Variants in KAZN observed in about 807,000 individuals in gnomAD.
KAZN encodes the protein kazrin.
KAZN carries 40 observed loss-of-function variants against 87.4 expected under a neutral mutation model. The ratio of observed to expected loss-of-function variants is 0.46; its 90% CI spans 0.36 to 0.60. KAZN has a LOEUF of 0.60. KAZN is among the 20% of genes least tolerant of loss of function. The pLI is 0.00. For missense variants in KAZN, 898 were observed against 1,073.9 expected (o/e 0.84, Z 2.29); for synonymous variants, 466 against 458.3 (o/e 1.02, Z -0.22).
chr1:15,001,199 C>T (rs1275683208), intron 2 of KAZN, among the ~76,000 whole-genome samples: 1 of 151,900 alleles, frequency 6.6e-6, no homozygotes, highest in Admixed American at 6.6e-5. Context: ...TGGTGGTTCA[C>T]GCCTGTAATC....
At chr1:15,111,611 CGTG>C (rs1641623943) in intron 13 of KAZN, among the ~76,000 whole-genome samples, 1 of 152,172 alleles carries the variant, frequency 6.6e-6, no homozygotes, top group South Asian at 2.1e-4. Context: ...AGTCTACCTC[CGTG>C]GTGACTTCTG....
At chr1:14,089,804 A>G (rs530276996) in intron 1 of KAZN, among the ~76,000 whole-genome samples, 1 of 152,306 alleles carries the variant, frequency 6.6e-6, no homozygotes, top group Non-Finnish European at 1.5e-5. Flanking sequence ...GTATCAGCAT[A>G]ATGAGAAATA....
intron 1 of KAZN, among the ~76,000 whole-genome samples, chr1:13,986,284 T>C (rs1639011431): frequency 6.6e-6 from 1 of 152,206 alleles, no homozygotes; most frequent in Admixed American, 6.5e-5. Context: ...TAGGAACAAA[T>C]CTTGTAGGAA....
intron 2 of KAZN, among the ~76,000 whole-genome samples, chr1:15,028,336 G>A (rs1671373609): frequency 6.6e-6 from 1 of 152,212 alleles, no homozygotes; most frequent in Admixed American, 6.5e-5. Flanking sequence ...TAGGACCCGC[G>A]TGGGTGAGGC....
At chr1:15,110,539 GCATA>G (rs1470582822) in intron 13 of KAZN, among the ~76,000 whole-genome samples, 2,988 of 66,076 alleles carry the variant, frequency 0.045, 115 homozygotes, top group African/African-American at 0.15. Context: ...TTGTGTGTGT[GCATA>G]TGTGTTTGTG....
intron 2 of KAZN, among the ~76,000 whole-genome samples, chr1:14,512,897 C>T (rs1670992608): frequency 1.3e-5 from 2 of 152,354 alleles, no homozygotes; most frequent in Admixed American, 6.5e-5. Context: ...CAGGCCGGCT[C>T]TTCTCCTGCT....
At chr1:14,917,142 G>A (rs1461878811) in intron 1 of KAZN, among the ~76,000 whole-genome samples, 1 of 152,182 alleles carries the variant, frequency 6.6e-6, no homozygotes, top group Non-Finnish European at 1.5e-5. Context: ...GTATCAGTGA[G>A]CCCATGAAAG....
intron 2 of KAZN, among the ~76,000 whole-genome samples, chr1:14,346,443 G>A (rs961049165): frequency 8.5e-5 from 13 of 152,138 alleles, no homozygotes. Flanking sequence ...CCCTCCTGGG[G>A]TGAGGATGTG....
intron 2 of KAZN, among the ~76,000 whole-genome samples, chr1:14,311,257 T>C (rs1047886008): frequency 7.2e-5 from 11 of 152,184 alleles, no homozygotes; most frequent in African/African-American, 2.7e-4. Flanking sequence ...TTACCACTTA[T>C]TAGCTATGAG....
rs980922153 is a variant in KAZN at position 14,090,513 on chromosome 1, G to A, written c.92-89922G>A. 2.6e-5 allele frequency among the ~76,000 whole-genome samples: 4 copies of A among 151,950 alleles called. No homozygotes were observed. In the South Asian group the frequency reaches 6.2e-4, roughly 24 times the overall value. On this transcript the variant is annotated intron_variant, in intron 1 of 16. Coordinates refer to the KAZN transcript ENST00000636203. ...TTTATAGCTTCCATTTCTCTCCAAT[G>A]TTTCTCTCTGCCTTTTTGACATATC...
chr1:14,883,310 A>AGAGAGAGAGAG (rs1653552012), intron 1 of KAZN, among the ~76,000 whole-genome samples: 2 of 49,390 alleles, frequency 4.0e-5, no homozygotes, highest in Non-Finnish European at 8.4e-5. Flanking sequence ...GAAAGAAAGA[A>AGAGAGAGAGAG]AGAAAGAAAG....
chr1:14,329,365 G>C (rs1354939919), intron 2 of KAZN, among the ~76,000 whole-genome samples: 1 of 152,208 alleles, frequency 6.6e-6, no homozygotes, highest in Non-Finnish European at 1.5e-5. Flanking sequence ...AACAGAGAGT[G>C]TGGGCAGAGA....
intron 1 of KAZN, among the ~76,000 whole-genome samples, chr1:13,951,251 A>G (rs1368420764): frequency 6.6e-6 from 1 of 152,156 alleles, no homozygotes; most frequent in Non-Finnish European, 1.5e-5. Context: ...GGTAAGGGAC[A>G]TGGGACCTGG....
chr1:14,865,651 T>A (rs1651365997), intron 1 of KAZN, among the ~76,000 whole-genome samples: 1 of 152,166 alleles, frequency 6.6e-6, no homozygotes, highest in Admixed American at 6.5e-5. Context: ...TCTCCAGCCA[T>A]CCTGCCTGTA....
chr1:14,881,930 A>G (rs1254689017), intron 1 of KAZN, among the ~76,000 whole-genome samples: 2 of 152,154 alleles, frequency 1.3e-5, no homozygotes, highest in Non-Finnish European at 2.9e-5. Flanking sequence ...CTCCGGGGAA[A>G]GGCCTGTTCT....
intron 1 of KAZN, among the ~76,000 whole-genome samples, chr1:14,170,337 A>G (rs1032630750): frequency 4.6e-5 from 7 of 152,080 alleles, no homozygotes; most frequent in Admixed American, 2.6e-4. Context: ...AACCTGTCTA[A>G]TCTTGTAAGT....
intron 1 of KAZN, among the ~76,000 whole-genome samples, chr1:14,668,612 C>G (rs796121370): frequency 1.3e-5 from 2 of 152,228 alleles, no homozygotes; most frequent in African/African-American, 4.8e-5. Context: ...CACTTCCTCT[C>G]TCTTCTTCTC....
chr1:14,057,386 G>A lies in KAZN; in HGVS notation c.92-123049G>A, dbSNP rs553513812. 3.9e-5 allele frequency among the ~76,000 whole-genome samples: 6 copies of A among 152,230 alleles called. No homozygotes were observed. The South Asian group carries it at 1.2e-3, about 32-fold the overall frequency. On this transcript the variant is annotated intron_variant, in intron 1 of 16. Transcript: ENST00000636203. ...CTGACCTCATAATCCTCCCTCCTCG[G>A]CCTCCCAAAGTGCTGGGATTATAGG...
intron 1 of KAZN, among the ~76,000 whole-genome samples, chr1:13,996,933 CCT>C (rs1394438819): frequency 1.3e-5 from 2 of 152,144 alleles, no homozygotes; most frequent in Non-Finnish European, 2.9e-5. Context: ...TGTAAGATAC[CCT>C]GTACAGGAAC....
Sources: gnomAD v4.1 joint callset for allele counts (sites outside exome capture counted in the v4.1 genomes callset) on GRCh38, gnomAD v4.1.1 for gene constraint, MANE v1.5 for transcripts, NCBI Gene and HGNC (gene_info 2026-07-23, HGNC 2026-07-21) for gene names.